ZFP62: variants seen among roughly 807,000 people sequenced by gnomAD.
ZFP62 encodes ZFP62 zinc finger protein.
Under a neutral mutation model 56.4 loss-of-function variants are expected in ZFP62, and 44 were observed. The observed-to-expected ratio is 0.78, with a 90% CI of 0.61 to 1.00. ZFP62 has a LOEUF of 1.00. Ranked by LOEUF, ZFP62 falls within the 50% of genes least tolerant of loss-of-function variation. ZFP62 has a pLI of 0.00. For synonymous variants in ZFP62, 421 were observed against 388.9 expected, an observed-to-expected ratio of 1.08 and a Z score of -0.97; for missense variants, 1,030 against 1,085.7, an observed-to-expected ratio of 0.95 and a Z score of 0.72.
At chr5:180,829,622 T>C in the ZFP62 span, among the ~76,000 whole-genome samples, 1 of 152,222 alleles carries the variant, frequency 6.6e-6, no homozygotes. Context: ...CCCCCGATAG[T>C]TCTATCTAAA....
chr5:180,839,833 A>C, the ZFP62 span, among the ~76,000 whole-genome samples: 1 of 151,968 alleles, frequency 6.6e-6, no homozygotes, highest in South Asian at 2.1e-4. Flanking sequence ...CTTGCCTCCT[A>C]CCCCCTTAAG....
intron 1 of ZFP62, among the ~76,000 whole-genome samples, chr5:180,859,719 G>T (rs1024683041): frequency 6.6e-6 from 1 of 152,188 alleles, no homozygotes; most frequent in Non-Finnish European, 1.5e-5. Context: ...TTAGGCTAGT[G>T]TAACACTAAA....
chr5:180,861,110 C>T, intron 1 of ZFP62, 109 bp downstream of exon 1: 1 of 398,502 alleles, frequency 2.5e-6, no homozygotes, highest in Non-Finnish European at 4.4e-6. Context: ...CACGCTTACT[C>T]CCACATCCCG....
At chr5:180,861,031 C>T (rs1774289489) in intron 1 of ZFP62, among the ~76,000 whole-genome samples, 188 bp downstream of exon 1, 1 of 152,188 alleles carries the variant, frequency 6.6e-6, no homozygotes, top group South Asian at 2.1e-4. Flanking sequence ...CACCCCTCTG[C>T]CTGCCCGAGG....
the ZFP62 span, among the ~76,000 whole-genome samples, chr5:180,828,632 TATG>T: frequency 1.3e-5 from 2 of 152,370 alleles, no homozygotes; most frequent in East Asian, 1.9e-4. Flanking sequence ...TCAGGATCAC[TATG>T]ATAATTGTGT....
downstream of ZFP62, among the ~76,000 whole-genome samples, chr5:180,844,336 G>A (rs1229627505): frequency 6.6e-6 from 1 of 152,166 alleles, no homozygotes; most frequent in East Asian, 1.9e-4. Flanking sequence ...GCACTGAATG[G>A]AATATGGCCC....
At chr5:180,829,235 G>A in the ZFP62 span, among the ~76,000 whole-genome samples, 10 of 142,170 alleles carry the variant, frequency 7.0e-5, no homozygotes, top group East Asian at 2.0e-4. Flanking sequence ...TGTGATCTTT[G>A]TTCTGCCTTT....
At chr5:180,842,418 C>G in the ZFP62 span, among the ~76,000 whole-genome samples, 1 of 151,940 alleles carries the variant, frequency 6.6e-6, no homozygotes, top group Non-Finnish European at 1.5e-5. Context: ...AAATCCACAC[C>G]AAAATAAAAC....
At chr5:180,828,107 C>T in the ZFP62 span, among the ~76,000 whole-genome samples, 13 of 152,008 alleles carry the variant, frequency 8.6e-5, no homozygotes, top group East Asian at 3.9e-4. Context: ...ATATGCTGAA[C>T]GCTGGTTCCC....
In ZFP62 at chr5:180,848,295, A is replaced by G; in HGVS notation, c.*497T>C. On this transcript the variant is annotated 3_prime_UTR_variant, in exon 2 of 2. Coordinates refer to ENST00000502412, the MANE Select transcript of ZFP62 (RefSeq NM_001172638.2). ...TCAAGTTTATACTTAAAGACCACTAATATTAAATAAATTTATATTCCCTGA... is the reference window on the plus strand; with the variant it reads ...TCAAGTTTATACTTAAAGACCACTAGTATTAAATAAATTTATATTCCCTGA... 1.0e-6 allele frequency: 1 copy of G among 985,616 alleles called. No homozygotes were observed. The highest frequency in any genetic ancestry group is 1.2e-6 in the Non-Finnish European group (1 of 830,038). The allele number at this position is 985,616 out of a possible 1,614,324, so 61.1% of individuals were successfully genotyped here. A position where few individuals can be genotyped will look rare whatever the true frequency, so the allele number is the denominator to read the frequency against.
In ZFP62 at chr5:180,850,064, AT is replaced by A; in HGVS notation, c.1430del (p.Tyr477LeufsTer101). On this transcript the variant is annotated frameshift_variant, in exon 2 of 2. Transcript: ENST00000502412. LOFTEE classifies it high-confidence loss of function. ...HRRLHTGEKP[Y>X]KCDVCGKAYI... ...AGGCTTTCCCACACACATCACACTTATATGGTTTTTCCCCAGTATGGAGCCT... is the reference window on the plus strand; with the variant it reads ...AGGCTTTCCCACACACATCACACTTAATGGTTTTTCCCCAGTATGGAGCCT... 6.4e-7 allele frequency: 1 copy of A among 1,551,772 alleles called. No homozygotes were observed. Among genetic ancestry groups the A allele is most frequent in the Non-Finnish European group, 8.7e-7 (1 of 1,147,082 alleles).
At chr5:180,831,591 G>A in the ZFP62 span, 1 of 152,508 alleles carries the variant, frequency 6.6e-6, no homozygotes, top group African/African-American at 2.4e-5. Flanking sequence ...TCGCGGCTGC[G>A]GAGAGAGGCC....
At position 180,847,945 on chromosome 5, in the gene ZFP62, C is replaced by T. The variant is rs936083009; in HGVS notation, c.*847G>A. 8.9e-5 allele frequency: 88 copies of T among 985,296 alleles called. No homozygotes were observed. The highest frequency in any genetic ancestry group is 5.4e-4 in the African/African-American group (31 of 57,226). The allele number at this position is 985,296 out of a possible 1,614,324, so 61.0% of individuals were successfully genotyped here. ...CATGTAAGGTGCGAATTCATGTTGA[C>T]GGTGTGTTCCATTAGTTACTGAATG... On this transcript the variant is annotated 3_prime_UTR_variant, in exon 2 of 2. Transcript: ENST00000502412.
At chr5:180,834,059 C>T in the ZFP62 span, among the ~76,000 whole-genome samples, 9 of 152,258 alleles carry the variant, frequency 5.9e-5, no homozygotes, top group East Asian at 1.5e-3. Flanking sequence ...TGCTGAGATC[C>T]TAACCCCTTT....
chr5:180,841,952 G>C, the ZFP62 span, among the ~76,000 whole-genome samples: 812 of 152,158 alleles, frequency 5.3e-3, 6 homozygotes, highest in African/African-American at 0.019. Context: ...CATGGGAGGC[G>C]TAAGAATTGC....
the ZFP62 span, among the ~76,000 whole-genome samples, chr5:180,828,189 A>C: frequency 6.6e-6 from 1 of 152,150 alleles, no homozygotes; most frequent in African/African-American, 2.4e-5. Context: ...CGTTCCACCT[A>C]ACGAGAAACA....
At chr5:180,847,588 CCTCCA>C (rs1160561751), downstream of ZFP62, 6 of 985,426 alleles carry the variant, frequency 6.1e-6, no homozygotes, top group East Asian at 5.7e-4. Context: ...TCTTGGGTAT[CCTCCA>C]TCTAAACTCA....
At chr5:180,841,518 A>G in the ZFP62 span, among the ~76,000 whole-genome samples, 1 of 152,128 alleles carries the variant, frequency 6.6e-6, no homozygotes, top group African/African-American at 2.4e-5. Flanking sequence ...GATTCTGTAG[A>G]AAATTGTAAG....
In ZFP62 at chr5:180,850,545, G is replaced by A; in HGVS notation, c.950C>T (p.Ala317Val). 6.4e-7 allele frequency: 1 copy of A among 1,555,964 alleles called. No homozygotes were observed. Among genetic ancestry groups the A allele is most frequent in the Non-Finnish European group, 8.7e-7 (1 of 1,149,612 alleles). Residue 317 changes from alanine (A) to valine (V), a missense_variant, in exon 2 of 2, where the codon GCC becomes GTC. Physicochemically the swap from Ala to Val is moderately conservative, Grantham distance 64. Coordinates refer to ENST00000502412, the MANE Select transcript of ZFP62 (RefSeq NM_001172638.2). Reference sequence around the variant, plus strand: ...GAGAAGTGTTCTACAAGTAATGAAGGCCTTCCCACACTCATCACATTCGTA... The same window carrying A: ...GAGAAGTGTTCTACAAGTAATGAAGACCTTCCCACACTCATCACATTCGTA... ...KPYECDECGK[A>V]FITCRTLLNH... is the part of the protein sequence containing the mutation.
Sources: gnomAD v4.1 joint callset for allele counts (sites outside exome capture counted in the v4.1 genomes callset) on GRCh38, gnomAD v4.1.1 for gene constraint, MANE v1.5 for transcripts, NCBI Gene and HGNC (gene_info 2026-07-23, HGNC 2026-07-21) for gene names.